Variants in MRTFA observed in about 807,000 individuals in gnomAD.
MRTFA encodes the protein myocardin-related transcription factor A.
A neutral mutation model predicts 83.5 loss-of-function variants in MRTFA; 20 were observed. That is an observed-to-expected ratio of 0.24 (90% CI 0.17 to 0.35). The LOEUF (loss-of-function observed/expected upper bound fraction) is 0.35, where lower values mean the gene tolerates loss of function less well. Ranked by LOEUF, MRTFA falls within the 10% of genes least tolerant of loss-of-function variation. MRTFA has a pLI of 1.00. For missense variants in MRTFA, 1,200 were observed against 1,224.7 expected, an observed-to-expected ratio of 0.98 and a Z score of 0.30; for synonymous variants, 659 against 541.2, an observed-to-expected ratio of 1.22 and a Z score of -3.02.
intron 3 of MRTFA, among the ~76,000 whole-genome samples, chr22:40,494,686 A>AG (rs1473861198): frequency 6.6e-6 from 1 of 152,122 alleles, no homozygotes; most frequent in East Asian, 1.9e-4. Flanking sequence ...GTCTAAAAAA[A>AG]AAAAAAAAAT....
At chr22:40,524,095 A>G (rs2054918418) in intron 3 of MRTFA, among the ~76,000 whole-genome samples, 1 of 152,182 alleles carries the variant, frequency 6.6e-6, no homozygotes, top group Non-Finnish European at 1.5e-5. Context: ...AAAAAATTAA[A>G]ACAGGCTGGG....
intron 4 of MRTFA, among the ~76,000 whole-genome samples, chr22:40,438,326 A>G (rs1424326845): frequency 5.3e-5 from 8 of 152,182 alleles, no homozygotes; most frequent in Admixed American, 5.2e-4. Context: ...TGGTTGAATC[A>G]CTGGCTTGAT....
chr22:40,545,222 G>T (rs1047353194), intron 3 of MRTFA, among the ~76,000 whole-genome samples: 4 of 152,026 alleles, frequency 2.6e-5, no homozygotes, highest in African/African-American at 9.7e-5. Flanking sequence ...TTATCTTTTA[G>T]ACCTAAGTTC....
At chr22:40,608,298 G>A (rs947321183) in intron 1 of MRTFA, among the ~76,000 whole-genome samples, 2 of 152,180 alleles carry the variant, frequency 1.3e-5, no homozygotes, top group Non-Finnish European at 2.9e-5. Context: ...TTACAGGCAT[G>A]AGCCACCATG....
intron 1 of MRTFA, among the ~76,000 whole-genome samples, chr22:40,613,083 T>A (rs1450044149): frequency 6.6e-6 from 1 of 152,228 alleles, no homozygotes; most frequent in Non-Finnish European, 1.5e-5. Flanking sequence ...GAACTTCTTA[T>A]AAATGAAATC....
intron 3 of MRTFA, among the ~76,000 whole-genome samples, chr22:40,535,031 C>A (rs17002007): frequency 0.02 from 3,018 of 152,232 alleles, 93 homozygotes; most frequent in African/African-American, 0.068. Context: ...TCCTTTCTCA[C>A]TCCAAGAACA....
chr22:40,447,192 T>G (rs902605041), intron 4 of MRTFA, among the ~76,000 whole-genome samples: 2 of 151,612 alleles, frequency 1.3e-5, no homozygotes, highest in African/African-American at 4.9e-5. Context: ...TCCGTCTCTA[T>G]GAAAAATACA....
intron 2 of MRTFA, among the ~76,000 whole-genome samples, chr22:40,591,099 C>T (rs1301137993): frequency 6.6e-6 from 1 of 152,142 alleles, no homozygotes; most frequent in Non-Finnish European, 1.5e-5. Context: ...CGCGCCACTG[C>T]ACTCCAGCCT....
intron 7 of MRTFA, among the ~76,000 whole-genome samples, chr22:40,425,122 C>T (rs912636276): frequency 1.4e-4 from 21 of 152,236 alleles, no homozygotes; most frequent in African/African-American, 5.1e-4. Flanking sequence ...CACTGCCAAG[C>T]TCTGGATGAC....
chr22:40,501,980 G>C (rs2054487740), intron 3 of MRTFA, among the ~76,000 whole-genome samples: 2 of 129,742 alleles, frequency 1.5e-5, no homozygotes, highest in Admixed American at 7.1e-5. Context: ...CCGGGCGGGG[G>C]GCTGACCCCC....
At chr22:40,461,982 G>A (rs181228352) in intron 4 of MRTFA, among the ~76,000 whole-genome samples, 2 of 152,284 alleles carry the variant, frequency 1.3e-5, no homozygotes, top group East Asian at 1.9e-4. Flanking sequence ...ACCAGGCCCA[G>A]ACACTTGCTT....
At chr22:40,420,355 G>A (rs1569253467) in intron 11 of MRTFA, 50 bp downstream of exon 11, 1 of 1,583,842 alleles carries the variant, frequency 6.3e-7, no homozygotes, top group East Asian at 2.2e-5. Flanking sequence ...GACAGCCCCT[G>A]TGGGAAGGGC....
At chr22:40,434,377 G>T (rs895379248) in intron 5 of MRTFA, among the ~76,000 whole-genome samples, 1 of 142,276 alleles carries the variant, frequency 7.0e-6, no homozygotes, top group Non-Finnish European at 1.5e-5. Context: ...ATGAAAGAAA[G>T]TTTAAAAAAA....
intron 3 of MRTFA, among the ~76,000 whole-genome samples, chr22:40,497,044 T>A (rs1381642491): frequency 6.6e-6 from 1 of 152,198 alleles, no homozygotes; most frequent in Non-Finnish European, 1.5e-5. Context: ...CCAGGTGTTG[T>A]GGACACAGAA....
intron 1 of MRTFA, among the ~76,000 whole-genome samples, chr22:40,609,178 C>T (rs1379861985): frequency 6.6e-6 from 1 of 151,766 alleles, no homozygotes; most frequent in Non-Finnish European, 1.5e-5. Context: ...GTAGTCCCAG[C>T]TTCTCAGGAG....
intron 7 of MRTFA, 53 bp from the exon 8 acceptor site, chr22:40,424,434 G>T: frequency 3.2e-6 from 5 of 1,582,436 alleles, no homozygotes; most frequent in Non-Finnish European, 4.3e-6. Context: ...GAACAGATGA[G>T]CAGGGACAGG....
intron 3 of MRTFA, among the ~76,000 whole-genome samples, chr22:40,516,670 C>T (rs2054766091): frequency 6.6e-6 from 1 of 151,946 alleles, no homozygotes; most frequent in Non-Finnish European, 1.5e-5. Flanking sequence ...AGAAGTTTTC[C>T]TTAGTTTCAA....
intron 4 of MRTFA, among the ~76,000 whole-genome samples, chr22:40,455,842 ATG>A (rs2053577600): frequency 1.3e-5 from 2 of 151,406 alleles, no homozygotes; most frequent in African/African-American, 2.4e-5. Flanking sequence ...GTATGTATGT[ATG>A]TATTTATGAG....
Position 40,410,786 on chromosome 22 carries a change from C to A in MRTFA, c.*604G>T, listed in dbSNP as rs1054066140. 3.9e-5 allele frequency: 9 copies of A among 232,326 alleles called. No individual in the cohort carries two copies. The highest frequency in any genetic ancestry group is 6.6e-5 in the African/African-American group (3 of 45,140). The allele number at this position is 232,326 out of a possible 1,614,324, so 14.4% of individuals were successfully genotyped here. ...CACCCATCTCCTGTCCGCCCCCCCC[C>A]AAAAATATATATGTATGTCGATATA... On this transcript the variant is annotated 3_prime_UTR_variant, in exon 15 of 15. Transcript: ENST00000355630.
Sources: gnomAD v4.1 joint callset for allele counts (sites outside exome capture counted in the v4.1 genomes callset) on GRCh38, gnomAD v4.1.1 for gene constraint, MANE v1.5 for transcripts, NCBI Gene and HGNC (gene_info 2026-07-23, HGNC 2026-07-21) for gene names.